UBE2H: variants seen among roughly 807,000 people sequenced by gnomAD.
UBE2H encodes ubiquitin conjugating enzyme E2 H, also known as ubiquitin-conjugating enzyme E2 H.
UBE2H carries 3 observed loss-of-function variants against 29.0 expected under a neutral mutation model. That is an observed-to-expected ratio of 0.10 (90% confidence interval 0.05 to 0.27). The LOEUF (loss-of-function observed/expected upper bound fraction) is 0.27. UBE2H is among the 10% of genes least tolerant of loss of function. The pLI, the probability that UBE2H is intolerant of heterozygous loss-of-function variation, is 1.00. For synonymous variants in UBE2H, 69 were observed against 82.9 expected (o/e 0.83, Z 0.91); for missense variants, 68 against 228.2 (o/e 0.30, Z 4.52).
chr7:129,921,987 T>C (rs951441732), intron 1 of UBE2H, among the ~76,000 whole-genome samples: 6 of 152,108 alleles, frequency 3.9e-5, no homozygotes, highest in African/African-American at 1.4e-4. Context: ...CCTTATTCTT[T>C]TTTAATTTTT....
chr7:129,902,147 G>C (rs1433871118), intron 1 of UBE2H, among the ~76,000 whole-genome samples: 1 of 152,194 alleles, frequency 6.6e-6, no homozygotes, highest in Non-Finnish European at 1.5e-5. Flanking sequence ...ATAAAAAAAT[G>C]TAACTTTAGA....
chr7:129,919,605 A>G (rs1807115666), intron 1 of UBE2H, among the ~76,000 whole-genome samples: 1 of 152,194 alleles, frequency 6.6e-6, no homozygotes, highest in Non-Finnish European at 1.5e-5. Flanking sequence ...CTCATCTTTC[A>G]AGACCAAGGT....
intron 1 of UBE2H, among the ~76,000 whole-genome samples, chr7:129,919,178 T>C (rs989279020): frequency 3.0e-5 from 4 of 134,600 alleles, no homozygotes; most frequent in Admixed American, 1.5e-4. Flanking sequence ...TAGGAAAGAA[T>C]AGAAAATGAC....
intron 3 of UBE2H, among the ~76,000 whole-genome samples, chr7:129,859,674 A>C (rs574981049): frequency 5.3e-5 from 8 of 152,320 alleles, no homozygotes; most frequent in African/African-American, 1.7e-4. Context: ...AATTAATAAA[A>C]CCAGTTATTC....
chr7:129,891,903 TA>T (rs1459697927), intron 1 of UBE2H, among the ~76,000 whole-genome samples: 1 of 147,850 alleles, frequency 6.8e-6, no homozygotes, highest in Non-Finnish European at 1.5e-5. Flanking sequence ...GTGTGTGTGT[TA>T]GTTTTTTTCC....
At chr7:129,904,452 G>C (rs192992477) in intron 1 of UBE2H, among the ~76,000 whole-genome samples, 6 of 152,222 alleles carry the variant, frequency 3.9e-5, no homozygotes, top group Non-Finnish European at 8.8e-5. Context: ...CTTCCTTAGA[G>C]ACCTTTCCGA....
At chr7:129,930,611 A>AT (rs1388938972) in intron 1 of UBE2H, among the ~76,000 whole-genome samples, 1 of 152,076 alleles carries the variant, frequency 6.6e-6, no homozygotes, top group Non-Finnish European at 1.5e-5. Flanking sequence ...TCTACTAAAA[A>AT]TAAAAAAAAA....
At chr7:129,922,578 AAC>A (rs1426977608) in intron 1 of UBE2H, among the ~76,000 whole-genome samples, 1 of 152,144 alleles carries the variant, frequency 6.6e-6, no homozygotes, top group African/African-American at 2.4e-5. Flanking sequence ...TGCCCAGAAA[AAC>A]AGTCCTTATT....
intron 1 of UBE2H, among the ~76,000 whole-genome samples, chr7:129,881,659 A>G (rs183142234): frequency 6.6e-6 from 1 of 152,256 alleles, no homozygotes; most frequent in East Asian, 1.9e-4. Context: ...AAAATAAAAT[A>G]AAAAATATAC....
chr7:129,835,462 G>C (rs1805305802), intron 6 of UBE2H, among the ~76,000 whole-genome samples: 1 of 152,120 alleles, frequency 6.6e-6, no homozygotes, highest in African/African-American at 2.4e-5. Flanking sequence ...ATCATTTTTA[G>C]ATCTGCAGTT....
At chr7:129,860,527 T>C (rs1025471155) in intron 3 of UBE2H, among the ~76,000 whole-genome samples, 2 of 152,174 alleles carry the variant, frequency 1.3e-5, no homozygotes, top group African/African-American at 4.8e-5. Flanking sequence ...CTAATACACA[T>C]GTCCCAGATG....
intron 6 of UBE2H, among the ~76,000 whole-genome samples, chr7:129,837,780 C>G (rs528592391): frequency 6.6e-6 from 1 of 152,244 alleles, no homozygotes; most frequent in South Asian, 2.1e-4. Context: ...GAGCTCAGGT[C>G]TGATGGCCAT....
intron 1 of UBE2H, among the ~76,000 whole-genome samples, chr7:129,890,906 G>A (rs553645158): frequency 3.4e-4 from 52 of 152,036 alleles, no homozygotes; most frequent in African/African-American, 1.1e-3. Context: ...AGGCCAAGGC[G>A]GGTGGATCAC....
chr7:129,904,216 T>C (rs1806771830), intron 1 of UBE2H, among the ~76,000 whole-genome samples: 1 of 152,200 alleles, frequency 6.6e-6, no homozygotes, highest in African/African-American at 2.4e-5. Flanking sequence ...CAATGGCTAT[T>C]TCTTCTGCCC....
chr7:129,932,095 T>G (rs1050737066), intron 1 of UBE2H, among the ~76,000 whole-genome samples: 1 of 151,312 alleles, frequency 6.6e-6, no homozygotes, highest in African/African-American at 2.4e-5. Flanking sequence ...GTGCTGGGAT[T>G]ACAAGTGTGA....
chr7:129,865,364 A>G (rs988715545), intron 3 of UBE2H, among the ~76,000 whole-genome samples: 6 of 152,102 alleles, frequency 3.9e-5, no homozygotes, highest in Non-Finnish European at 8.8e-5. Context: ...TGGGGTCAAT[A>G]TGTAAATAAA....
Position 129,898,052 on chromosome 7 carries a change from T to A in UBE2H, c.54-17081A>T, listed in dbSNP as rs527277238. ...CCATAGTGAAAATAAGCAAAAGAAA[T>A]GAATTATTTTATGGAAAAAAATTGC... On this transcript the variant is annotated intron_variant, in intron 1 of 6. Coordinates refer to ENST00000355621, the MANE Select transcript of UBE2H (RefSeq NM_003344.4). Among the ~76,000 whole-genome samples, 8 of 152,144 alleles carry A rather than the reference T, an allele frequency of 5.3e-5. No homozygotes were observed. In the East Asian group the frequency reaches 1.5e-3, roughly 29 times the overall value.
At chr7:129,925,563 T>C (rs915340884) in intron 1 of UBE2H, among the ~76,000 whole-genome samples, 10 of 152,206 alleles carry the variant, frequency 6.6e-5, no homozygotes, top group African/African-American at 2.2e-4. Context: ...TCCTTCTTAC[T>C]ATCAAAACCC....
chr7:129,886,143 C>A (rs1050950820), intron 1 of UBE2H, among the ~76,000 whole-genome samples: 3 of 152,148 alleles, frequency 2.0e-5, no homozygotes, highest in Non-Finnish European at 4.4e-5. Context: ...ATTAAATAAA[C>A]CCATAAATCA....
Sources: gnomAD v4.1 joint callset for allele counts (sites outside exome capture counted in the v4.1 genomes callset) on GRCh38, gnomAD v4.1.1 for gene constraint, MANE v1.5 for transcripts, NCBI Gene and HGNC (gene_info 2026-07-23, HGNC 2026-07-21) for gene names.